Variants in TCF7L1 observed in about 807,000 individuals in gnomAD.
TCF7L1 encodes the protein transcription factor 7 like 1.
In TCF7L1, 18 loss-of-function variants were observed where a neutral mutation model predicts 63.7. That is an observed-to-expected ratio of 0.28 (90% confidence interval 0.20 to 0.42). TCF7L1 has a LOEUF of 0.42. Among genes scored for constraint, TCF7L1 ranks in the 10% least tolerant of loss-of-function variants. TCF7L1 has a pLI of 1.00. For synonymous variants in TCF7L1, 355 were observed against 340.9 expected (o/e 1.04, Z -0.46); for missense variants, 654 against 779.3 (o/e 0.84, Z 1.91).
At chr2:85,301,942 A>G (rs575481298) in intron 4 of TCF7L1, among the ~76,000 whole-genome samples, 2 of 152,304 alleles carry the variant, frequency 1.3e-5, no homozygotes, top group South Asian at 2.1e-4. Flanking sequence ...CCTGGCCCAC[A>G]TGGTGAAACC....
intron 10 of TCF7L1, among the ~76,000 whole-genome samples, chr2:85,307,293 A>G (rs1282619056): frequency 6.6e-6 from 1 of 152,326 alleles, no homozygotes; most frequent in African/African-American, 2.4e-5. Context: ...GAGGACCCAC[A>G]GTTGCATCAA....
At chr2:85,273,681 C>T (rs535203352) in intron 3 of TCF7L1, among the ~76,000 whole-genome samples, 102 of 152,286 alleles carry the variant, frequency 6.7e-4, no homozygotes, top group African/African-American at 2.4e-3. Context: ...CATACATGGG[C>T]GACACGGTGA....
At chr2:85,193,503 AGCGAGACCTCATG>A (rs1226982343) in intron 3 of TCF7L1, among the ~76,000 whole-genome samples, 2 of 152,198 alleles carry the variant, frequency 1.3e-5, no homozygotes, top group African/African-American at 4.8e-5. Flanking sequence ...TAGGCAACAA[AGCGAGACCTCATG>A]TCTATATTTA....
At position 85,265,487 on chromosome 2, in the gene TCF7L1, G is replaced by T. The variant is rs529718310; in HGVS notation, c.442-18008G>T. Among the ~76,000 whole-genome samples the T allele has an allele frequency of 7.2e-5, 11 of 152,300 alleles. No individual in the cohort carries two copies. The East Asian group carries it at 2.1e-3, about 29-fold the overall frequency. On this transcript the variant is annotated intron_variant, in intron 3 of 11. Coordinates refer to ENST00000282111, the MANE Select transcript of TCF7L1 (RefSeq NM_031283.3). ...CTTCCCCCAGAGGGGAATCCCTCTGGAAGGGAAAGAGTGGAGGAGAGTGTC... is the reference window on the plus strand; with the variant it reads ...CTTCCCCCAGAGGGGAATCCCTCTGTAAGGGAAAGAGTGGAGGAGAGTGTC...
chr2:85,197,972 G>A (rs1270818951), intron 3 of TCF7L1, among the ~76,000 whole-genome samples: 2 of 152,154 alleles, frequency 1.3e-5, no homozygotes, highest in African/African-American at 4.8e-5. Flanking sequence ...GGGGTCCAGT[G>A]GGCTGTCTGG....
intron 4 of TCF7L1, among the ~76,000 whole-genome samples, chr2:85,299,891 ACACACACACACACT>A (rs1207777737): frequency 3.8e-4 from 57 of 150,262 alleles, no homozygotes; most frequent in Admixed American, 2.3e-3. Context: ...ACACACACAC[ACACACACACACACT>A]GATGCCCAGA....
chr2:85,145,381 A>T (rs1677855560), intron 3 of TCF7L1, among the ~76,000 whole-genome samples: 1 of 152,242 alleles, frequency 6.6e-6, no homozygotes, highest in Non-Finnish European at 1.5e-5. Context: ...GAACAGATGG[A>T]TCTCATTGAT....
chr2:85,292,382 G>A (rs1681748103), intron 4 of TCF7L1, among the ~76,000 whole-genome samples: 2 of 152,132 alleles, frequency 1.3e-5, no homozygotes, highest in Non-Finnish European at 2.9e-5. Flanking sequence ...TGGGAAGTGG[G>A]GAGGAGCATA....
At chr2:85,182,925 A>T (rs982495061) in intron 3 of TCF7L1, among the ~76,000 whole-genome samples, 1 of 152,184 alleles carries the variant, frequency 6.6e-6, no homozygotes, top group African/African-American at 2.4e-5. Context: ...TGCATTGCCA[A>T]CAAGTTCTCA....
intron 3 of TCF7L1, among the ~76,000 whole-genome samples, chr2:85,191,206 A>G (rs945353051): frequency 2.0e-5 from 3 of 152,202 alleles, no homozygotes; most frequent in Non-Finnish European, 4.4e-5. Flanking sequence ...TACTTGTCAC[A>G]TACCCTGGGG....
chr2:85,170,239 A>G (rs1678516499), intron 3 of TCF7L1, among the ~76,000 whole-genome samples: 2 of 152,176 alleles, frequency 1.3e-5, no homozygotes, highest in African/African-American at 4.8e-5. Flanking sequence ...GTTGGGGCAG[A>G]GACTGTATCT....
chr2:85,236,173 C>CAA (rs34088919), intron 3 of TCF7L1, among the ~76,000 whole-genome samples: 102 of 142,532 alleles, frequency 7.2e-4, no homozygotes, highest in African/African-American at 2.5e-3. Flanking sequence ...ATCCCCCCCC[C>CAA]AAAAAAAACC....
chr2:85,214,001 C>T (rs140533850), intron 3 of TCF7L1, among the ~76,000 whole-genome samples: 2 of 152,342 alleles, frequency 1.3e-5, no homozygotes, highest in East Asian at 1.9e-4. Context: ...CTGCCATTCT[C>T]ACCCCGGAAC....
rs569867541 is a variant in TCF7L1 at position 85,165,307 on chromosome 2, G to T, written c.441+30857G>T. ...ACACATGTGCGCCTGTGTAGACTACGGCTTGCCTTCTTTTCAAAGACATCA... is the reference window on the plus strand; with the variant it reads ...ACACATGTGCGCCTGTGTAGACTACTGCTTGCCTTCTTTTCAAAGACATCA... On this transcript the variant is annotated intron_variant, in intron 3 of 11. Transcript: ENST00000282111. Among the ~76,000 whole-genome samples, 2 of 152,312 alleles carry T rather than the reference G, an allele frequency of 1.3e-5. 1 individual carries two copies. The highest frequency in any genetic ancestry group is 3.9e-4 in the East Asian group (2 of 5,190).
chr2:85,188,052 G>T (rs1016919385), intron 3 of TCF7L1, among the ~76,000 whole-genome samples: 3 of 152,212 alleles, frequency 2.0e-5, no homozygotes, highest in Admixed American at 2.0e-4. Flanking sequence ...TACTGCATTT[G>T]CCATTTATAT....
intron 3 of TCF7L1, among the ~76,000 whole-genome samples, chr2:85,139,589 G>C (rs1307663906): frequency 6.6e-6 from 1 of 152,188 alleles, no homozygotes; most frequent in African/African-American, 2.4e-5. Context: ...GTTTAAACTG[G>C]TCCTTAAAAC....
intron 3 of TCF7L1, among the ~76,000 whole-genome samples, chr2:85,229,502 G>T: frequency 6.6e-6 from 1 of 152,186 alleles, no homozygotes; most frequent in Admixed American, 6.6e-5. Context: ...GCTCTATTCT[G>T]ACAGGACACT....
At chr2:85,229,149 A>G (rs1680019889) in intron 3 of TCF7L1, among the ~76,000 whole-genome samples, 1 of 152,134 alleles carries the variant, frequency 6.6e-6, no homozygotes, top group South Asian at 2.1e-4. Context: ...GATTGAGACC[A>G]TCCTGGCCAA....
At chr2:85,256,453 T>C (rs1680721442) in intron 3 of TCF7L1, among the ~76,000 whole-genome samples, 1 of 152,140 alleles carries the variant, frequency 6.6e-6, no homozygotes, top group Non-Finnish European at 1.5e-5. Flanking sequence ...CCTAAACCTG[T>C]TGGGTCAGGC....
Sources: gnomAD v4.1 joint callset for allele counts (sites outside exome capture counted in the v4.1 genomes callset) on GRCh38, gnomAD v4.1.1 for gene constraint, MANE v1.5 for transcripts, NCBI Gene and HGNC (gene_info 2026-07-23, HGNC 2026-07-21) for gene names.